CYP11B2: variants seen among roughly 807,000 people sequenced by gnomAD.
The protein encoded by CYP11B2 is cytochrome P450 11B2, mitochondrial.
A neutral mutation model predicts 49.3 loss-of-function variants in CYP11B2; 38 were observed. That is an observed-to-expected ratio of 0.77 (90% CI 0.59 to 1.01). The LOEUF (loss-of-function observed/expected upper bound fraction) is 1.01. Ranked by LOEUF, CYP11B2 falls within the 50% of genes least tolerant of loss-of-function variation. The pLI is 0.00. For missense variants in CYP11B2, 669 were observed against 655.5 expected (o/e 1.02, Z -0.23); for synonymous variants, 290 against 269.3 (o/e 1.08, Z -0.75).
Position 142,914,362 on chromosome 8 carries a change from A to G in CYP11B2, c.856T>C (p.Tyr286His). The G allele has an allele frequency of 6.2e-7, 1 of 1,613,444 alleles. No homozygotes were observed. The highest frequency in any genetic ancestry group is 8.5e-7 in the Non-Finnish European group (1 of 1,179,428). Reference sequence around the variant, plus strand: ...AGGAGCTCCGCCACGATGCCTGTGTAGTGTTGAGGGCGGTTGAAGGCCAGT... The same window carrying G: ...AGGAGCTCCGCCACGATGCCTGTGTGGTGTTGAGGGCGGTTGAAGGCCAGT... ...QELAFNRPQHYTGIVAELLLK... is the reference protein window; with the variant it reads ...QELAFNRPQHHTGIVAELLLK... Residue 286 changes from tyrosine to histidine, a missense_variant, in exon 5 of 9, where the codon TAC (tyrosine) becomes CAC (histidine). Tyr to His is a moderately conservative substitution (Grantham distance 83, BLOSUM62 2). Coordinates refer to ENST00000323110, the MANE Select transcript of CYP11B2 (RefSeq NM_000498.3).
intron 8 of CYP11B2, 77 bp downstream of exon 8, chr8:142,912,453 C>T (rs1378319730): frequency 6.7e-7 from 1 of 1,492,726 alleles, no homozygotes; most frequent in Non-Finnish European, 9.2e-7. Context: ...GTCAATCACA[C>T]CATGCAAGCC....
Position 142,916,583 on chromosome 8 carries a change from G to A in CYP11B2, c.395+476C>T, listed in dbSNP as rs182128784. Reference sequence around the variant, plus strand: ...TGCGTCCCCACCTGCCTCCTGCCCCGGACTGTCCCCATCAGGAAGGTTTGC... The same window carrying A: ...TGCGTCCCCACCTGCCTCCTGCCCCAGACTGTCCCCATCAGGAAGGTTTGC... On this transcript the variant is annotated intron_variant, in intron 2 of 8. Coordinates refer to ENST00000323110, the MANE Select transcript of CYP11B2 (RefSeq NM_000498.3). 72 of 395,476 alleles carry A rather than the reference G, an allele frequency of 1.8e-4. 1 individual carries two copies. Among genetic ancestry groups the A allele is most frequent in the African/African-American group, 1.2e-3 (59 of 48,458 alleles). 24.5% of individuals were successfully genotyped at this position (395,476 alleles called of 1,614,324 possible).
In CYP11B2 at chr8:142,911,784, C is replaced by A; in HGVS notation, c.*196G>T. 1 of 764,660 alleles carries A rather than the reference C, an allele frequency of 1.3e-6. No individual in the cohort carries two copies. The highest frequency in any genetic ancestry group is 1.7e-5 in the African/African-American group (1 of 57,164). The allele number at this position is 764,660 out of a possible 1,614,324, so 47.4% of individuals were successfully genotyped here. ...GCCCTGCCAGCAAGATCGTCTCCAG[C>A]TGTGCCCTGGCCTTGCTATTTGACA... On this transcript the variant is annotated 3_prime_UTR_variant, in exon 9 of 9. Transcript: ENST00000323110.
chr8:142,912,501 GTCCCGC>G, intron 8 of CYP11B2, 23 bp downstream of exon 8: 1 of 1,583,980 alleles, frequency 6.3e-7, no homozygotes, highest in Non-Finnish European at 8.7e-7. Flanking sequence ...TGCTGCCCAG[GTCCCGC>G]CCCCGCCCCC....
Position 142,917,104 on chromosome 8 carries a change from A to G in CYP11B2, c.350T>C (p.Val117Ala). Residue 117 changes from valine to alanine, a missense_variant, in exon 2 of 9, where the codon GTG becomes GCG. By Grantham distance (64) the Val-to-Ala change is moderately conservative. Coordinates refer to ENST00000323110, the MANE Select transcript of CYP11B2 (RefSeq NM_000498.3). ...GTGCCCACGATGTTGTCTGTAGGCC[A>G]CCCAGGGCTCCAGGATCATCCTGCA... ...HPCRMILEPW[V>A]AYRQHRGHKC... 2 of 1,614,182 alleles carry G rather than the reference A, an allele frequency of 1.2e-6. No homozygotes were observed. Among genetic ancestry groups the G allele is most frequent in the Non-Finnish European group, 1.7e-6 (2 of 1,180,030 alleles).
intron 3 of CYP11B2, 28 bp from the exon 4 acceptor site, chr8:142,914,936 A>G (rs1215388332): frequency 1.9e-6 from 3 of 1,611,662 alleles, no homozygotes; most frequent in Non-Finnish European, 2.5e-6. Context: ...TGCTGAGCAC[A>G]AGGCAGCCCC....
intron 5 of CYP11B2, among the ~76,000 whole-genome samples, 196 bp from the exon 6 acceptor site, chr8:142,913,647 C>G (rs959309655): frequency 1.3e-5 from 2 of 152,102 alleles, no homozygotes; most frequent in Admixed American, 1.3e-4. Context: ...AAAGGTGACC[C>G]CCATCTCCAC....
At chr8:142,917,390 C>T (rs560687971) in intron 1 of CYP11B2, among the ~76,000 whole-genome samples, 176 bp from the exon 2 acceptor site, 16 of 152,376 alleles carry the variant, frequency 1.1e-4, no homozygotes, top group African/African-American at 3.8e-4. Context: ...CTTCTGAGTC[C>T]TGCCCTCTCT....
intron 5 of CYP11B2, 70 bp from the exon 6 acceptor site, chr8:142,913,521 G>A: frequency 6.3e-7 from 1 of 1,595,662 alleles, no homozygotes; most frequent in Non-Finnish European, 8.6e-7. Context: ...CCCCTCCCAG[G>A]ACAACCTCCC....
chr8:142,912,347 C>G (rs1417736415), intron 8 of CYP11B2, among the ~76,000 whole-genome samples, 183 bp downstream of exon 8: 2 of 152,086 alleles, frequency 1.3e-5, no homozygotes, highest in African/African-American at 4.8e-5. Flanking sequence ...TGTTTAGAAG[C>G]AGCCTCACCC....
Position 142,915,126 on chromosome 8 carries a change from A to G in CYP11B2, c.515T>C (p.Leu172Pro), listed in dbSNP as rs1394555005. 3.7e-6 allele frequency: 6 copies of G among 1,613,766 alleles called. No homozygotes were observed. The highest frequency in any genetic ancestry group is 5.1e-6 in the Non-Finnish European group (6 of 1,179,926). The change falls in exon 3 of 9, where the codon CTG becomes CCG. Residue 172 changes from leucine (L) to proline (P), a missense_variant. Leu to Pro is a moderately conservative substitution (Grantham distance 98). Coordinates refer to ENST00000323110, the MANE Select transcript of CYP11B2 (RefSeq NM_000498.3). Reference sequence around the variant, plus strand: ...GGCGTTCTGCAGCACCTTCTTCTTCAGGGCCTGGGAGAAGTCCCTGGCCAC... The same window carrying G: ...GGCGTTCTGCAGCACCTTCTTCTTCGGGGCCTGGGAGAAGTCCCTGGCCAC... The part of the protein sequence containing the change: ...DAVARDFSQA[L>P]KKKVLQNARG...
At position 142,913,455 on chromosome 8, in the gene CYP11B2, C is replaced by T. The variant is rs763980936; in HGVS notation, c.955-4G>A. 2 of 1,614,036 alleles carry T rather than the reference C, an allele frequency of 1.2e-6. No individual in the cohort carries two copies. The highest frequency in any genetic ancestry group is 2.2e-5 in the South Asian group (2 of 91,078). ...TCATCAGCAAGGGAAACGCTGTCTA[C>T]AGAAGCCATGTCTGCAGGGTCAGAC... On this transcript the variant is annotated splice_region_variant and splice_polypyrimidine_tract_variant and intron_variant, in intron 5 of 8. Transcript: ENST00000323110.
chr8:142,916,255 T>C (rs1204370452), intron 2 of CYP11B2, among the ~76,000 whole-genome samples: 1 of 152,130 alleles, frequency 6.6e-6, no homozygotes, highest in Non-Finnish European at 1.5e-5. Flanking sequence ...CCAGATGTCA[T>C]CTATAGGCCA....
chr8:142,916,219 C>T (rs1174960586), intron 2 of CYP11B2, among the ~76,000 whole-genome samples: 2 of 152,298 alleles, frequency 1.3e-5, no homozygotes, highest in African/African-American at 4.8e-5. Flanking sequence ...CCTCCTGGAC[C>T]TGCCTTCCTG....
intron 2 of CYP11B2, 47 bp from the exon 3 acceptor site, chr8:142,915,292 A>C (rs1187729315): frequency 8.0e-6 from 12 of 1,505,128 alleles, no homozygotes; most frequent in Non-Finnish European, 1.1e-5. Context: ...AGCAAGACAC[A>C]GGCCCTGACC....
chr8:142,917,081 G>T lies in CYP11B2; in HGVS notation c.373C>A (p.His125Asn), dbSNP rs763745447. Residue 125 changes from histidine (H) to asparagine (N), a missense_variant, in exon 2 of 9, where the codon CAC becomes AAC. His to Asn is a moderately conservative substitution (Grantham distance 68). Coordinates refer to ENST00000323110, the MANE Select transcript of CYP11B2 (RefSeq NM_000498.3). ...PWVAYRQHRG[H>N]KCGVFLLNGP... ...TACAACAAGAACACGCCACATTTGT[G>T]CCCACGATGTTGTCTGTAGGCCACC... 8 of 1,614,010 alleles carry T rather than the reference G, an allele frequency of 5.0e-6. No homozygotes were observed. Among genetic ancestry groups the T allele is most frequent in the Non-Finnish European group, 2.5e-6 (3 of 1,180,018 alleles).
Position 142,917,600 on chromosome 8 carries a change from A to G in CYP11B2, c.239+2T>C, listed in dbSNP as rs1427477002. 1 of 1,614,092 alleles carries G rather than the reference A, an allele frequency of 6.2e-7. No homozygotes were observed. ...CCCAGCGAGGGCCAGGGAGGGCTTT[A>G]CCTGAAAATGGGCCCCAGCTCCTGG... On this transcript the variant is annotated splice_donor_variant, in intron 1 of 8. Transcript: ENST00000323110. LOFTEE classifies it high-confidence loss of function.
In CYP11B2 at chr8:142,911,084, A is replaced by C. The variant is rs1817524782; in HGVS notation, c.*896T>G. On this transcript the variant is annotated 3_prime_UTR_variant, in exon 9 of 9. Transcript: ENST00000323110. ...TGCCCACCCCAGGTCGTGGCACATG[A>C]CATGGCTCCGTATCAACCAGAGGAA... is the stretch of plus-strand genomic sequence containing the variant. The C allele has an allele frequency of 6.6e-6, 1 of 152,174 alleles. No homozygotes were observed. The highest frequency in any genetic ancestry group is 2.1e-4 in the South Asian group (1 of 4,816). 9.4% of individuals were successfully genotyped at this position (152,174 alleles called of 1,614,324 possible). A position where few individuals can be genotyped will look rare whatever the true frequency, so the allele number is the denominator to read the frequency against.
chr8:142,914,426 GGGA>G lies in CYP11B2; in HGVS notation c.800-11_800-9del, dbSNP rs756436156. ...TCTGGATACAGTTGTCACCTGTCCA[GGGA>G]GCAGGGGACAGCCCTCAGATCTTGG... On this transcript the variant is annotated splice_polypyrimidine_tract_variant and intron_variant, in intron 4 of 8. Coordinates refer to ENST00000323110, the MANE Select transcript of CYP11B2 (RefSeq NM_000498.3). The G allele has an allele frequency of 6.2e-7, 1 of 1,607,724 alleles. No homozygotes were observed. Among genetic ancestry groups the G allele is most frequent in the Non-Finnish European group, 8.5e-7 (1 of 1,176,140 alleles).
Sources: allele counts gnomAD v4.1 joint callset (sites outside exome capture counted in the v4.1 genomes callset), GRCh38; gene constraint gnomAD v4.1.1; transcripts MANE v1.5; gene names NCBI Gene and HGNC (gene_info 2026-07-23, HGNC 2026-07-21).